ABCG2: variants seen among roughly 807,000 people sequenced by gnomAD.
ABCG2 encodes ATP binding cassette subfamily G member 2 (JR blood group), also known as broad substrate specificity ATP-binding cassette transporter ABCG2.
A neutral mutation model predicts 73.5 loss-of-function variants in ABCG2; 80 were observed. That is an observed-to-expected ratio of 1.09 (90% CI 0.91 to 1.31). ABCG2 has a LOEUF of 1.31. ABCG2 is among the 50% of genes most tolerant of loss of function. The pLI, the probability that ABCG2 is intolerant of heterozygous loss-of-function variation, is 0.00. For missense variants in ABCG2, 796 were observed against 786.2 expected (o/e 1.01, Z -0.15); for synonymous variants, 269 against 282.4 (o/e 0.95, Z 0.48).
intron 1 of ABCG2, among the ~76,000 whole-genome samples, chr4:88,169,788 AG>A (rs1468400299): frequency 6.6e-6 from 1 of 152,074 alleles, no homozygotes; most frequent in Admixed American, 6.6e-5. Context: ...CCCTTACATT[AG>A]GTCCCATGTT....
At chr4:88,173,807 C>T (rs1384884494) in intron 1 of ABCG2, among the ~76,000 whole-genome samples, 1 of 151,808 alleles carries the variant, frequency 6.6e-6, no homozygotes, top group Non-Finnish European at 1.5e-5. Context: ...GAGAACAGCC[C>T]GGGAAATGTA....
chr4:88,182,812 G>A (rs759664555), intron 1 of ABCG2, among the ~76,000 whole-genome samples: 1 of 152,104 alleles, frequency 6.6e-6, no homozygotes, highest in African/African-American at 2.4e-5. Flanking sequence ...ACAGCCAGGC[G>A]TGGTGGCTCA....
At chr4:88,220,596 TC>T (rs1254083253) in intron 1 of ABCG2, 1 of 152,808 alleles carries the variant, frequency 6.5e-6, no homozygotes, top group Non-Finnish European at 1.5e-5. Flanking sequence ...TGAAGGAGCA[TC>T]CTTCTGTCAG....
At chr4:88,144,128 T>G (rs1725814983) in intron 1 of ABCG2, among the ~76,000 whole-genome samples, 1 of 152,206 alleles carries the variant, frequency 6.6e-6, no homozygotes, top group African/African-American at 2.4e-5. Flanking sequence ...ACCTCCCACC[T>G]GTTGCCGTTT....
intron 1 of ABCG2, among the ~76,000 whole-genome samples, chr4:88,214,275 C>A (rs769198656): frequency 2.6e-5 from 4 of 152,004 alleles, no homozygotes; most frequent in Non-Finnish European, 5.9e-5. Context: ...CACTAGCCCA[C>A]TGTTATCTAT....
chr4:88,125,035 G>C (rs564826694), intron 5 of ABCG2, among the ~76,000 whole-genome samples: 1 of 152,274 alleles, frequency 6.6e-6, no homozygotes, highest in Admixed American at 6.5e-5. Flanking sequence ...GCTCATGCCT[G>C]TAATCCCAGC....
intron 1 of ABCG2, among the ~76,000 whole-genome samples, chr4:88,152,927 T>C (rs1726621013): frequency 6.6e-6 from 1 of 151,900 alleles, no homozygotes; most frequent in Non-Finnish European, 1.5e-5. Flanking sequence ...AGGGGTGATA[T>C]TGTGGGGTTG....
intron 2 of ABCG2, among the ~76,000 whole-genome samples, chr4:88,137,333 C>G (rs2110051288): frequency 6.6e-6 from 1 of 152,186 alleles, no homozygotes; most frequent in Non-Finnish European, 1.5e-5. Context: ...CCAGTGGGGA[C>G]TGAAGTTGGT....
At chr4:88,127,233 C>G (rs929668081) in intron 5 of ABCG2, among the ~76,000 whole-genome samples, 6 of 152,038 alleles carry the variant, frequency 3.9e-5, no homozygotes, top group Non-Finnish European at 8.8e-5. Flanking sequence ...GAAAAACCTC[C>G]TCAAGGAGAA....
At chr4:88,143,127 G>A (rs191475986) in intron 1 of ABCG2, among the ~76,000 whole-genome samples, 39 of 152,160 alleles carry the variant, frequency 2.6e-4, no homozygotes, top group African/African-American at 5.5e-4. Context: ...GGAACAATGC[G>A]TGTACATTAT....
intron 1 of ABCG2, among the ~76,000 whole-genome samples, chr4:88,228,150 A>G (rs903981415): frequency 1.3e-5 from 2 of 152,202 alleles, no homozygotes; most frequent in Non-Finnish European, 2.9e-5. Context: ...ACTTCACAAA[A>G]TGATATATGC....
chr4:88,131,712 T>C, intron 4 of ABCG2, 91 bp downstream of exon 4: 4 of 876,970 alleles, frequency 4.6e-6, no homozygotes, highest in Non-Finnish European at 5.5e-6. Flanking sequence ...CCATGTCACA[T>C]AATCAACTGG....
At chr4:88,211,363 ACCCC>A (rs34198736) in intron 1 of ABCG2, among the ~76,000 whole-genome samples, 2 of 47,530 alleles carry the variant, frequency 4.2e-5, no homozygotes, top group Admixed American at 3.1e-4. Flanking sequence ...CCCCTGCCCC[ACCCC>A]CCCCCACTTT....
intron 1 of ABCG2, among the ~76,000 whole-genome samples, chr4:88,143,868 T>C (rs948228232): frequency 6.6e-6 from 1 of 152,024 alleles, no homozygotes; most frequent in Admixed American, 6.6e-5. Flanking sequence ...AAAAACATAG[T>C]AAGGATTAAA....
chr4:88,117,841 C>T (rs995585733), intron 7 of ABCG2, among the ~76,000 whole-genome samples: 3 of 151,014 alleles, frequency 2.0e-5, no homozygotes, highest in Non-Finnish European at 4.4e-5. Context: ...AAGAAATGGT[C>T]ACTGTAACTA....
intron 1 of ABCG2, among the ~76,000 whole-genome samples, chr4:88,151,377 A>AATCTACATGT (rs1275518008): frequency 6.6e-6 from 1 of 152,304 alleles, no homozygotes; most frequent in East Asian, 1.9e-4. Context: ...AGTACATGTC[A>AATCTACATGT]ACTACATGAA....
At chr4:88,160,585 C>A (rs759491284), upstream of ABCG2, among the ~76,000 whole-genome samples, 1 of 152,114 alleles carries the variant, frequency 6.6e-6, no homozygotes, top group Non-Finnish European at 1.5e-5. Flanking sequence ...CACGGTGGCT[C>A]ACGCCTGTAA....
chr4:88,156,157 T>C (rs1217570931), intron 1 of ABCG2, among the ~76,000 whole-genome samples: 2 of 151,152 alleles, frequency 1.3e-5, no homozygotes, highest in African/African-American at 4.9e-5. Context: ...GGCAGATCAC[T>C]TGAGGCCAGG....
Position 88,170,299 on chromosome 4 carries a change from T to C in ABCG2, c.-19-30285A>G, listed in dbSNP as rs1727708608. Among the ~76,000 whole-genome samples the C allele has an allele frequency of 5.3e-5, 8 of 152,276 alleles. No homozygotes were observed. In the South Asian group the frequency reaches 1.4e-3, roughly 28 times the overall value. On this transcript the variant is annotated intron_variant, in intron 1 of 15. Coordinates refer to the ABCG2 transcript ENST00000515655. ...CTTATGCTCTCATGCCTTATGCACA[T>C]TTATTTACCTGGATGCTTGTTAAGC...
Sources: gnomAD v4.1 joint callset for allele counts (sites outside exome capture counted in the v4.1 genomes callset) on GRCh38, gnomAD v4.1.1 for gene constraint, MANE v1.5 for transcripts, NCBI Gene and HGNC (gene_info 2026-07-23, HGNC 2026-07-21) for gene names.